LRRC4C: variants seen among roughly 807,000 people sequenced by gnomAD.
LRRC4C encodes the protein leucine rich repeat containing 4C.
Under a neutral mutation model 33.6 loss-of-function variants are expected in LRRC4C, and 5 were observed. The observed-to-expected ratio is 0.15, with a 90% confidence interval of 0.08 to 0.31. The LOEUF is 0.31. Ranked by LOEUF, LRRC4C falls within the 10% of genes least tolerant of loss-of-function variation. The probability of loss-of-function intolerance (pLI) is 1.00; values close to 1 mark genes in which losing one functional copy is unlikely to be tolerated. For synonymous variants in LRRC4C, 329 were observed against 302.0 expected (o/e 1.09, Z -0.93); for missense variants, 560 against 796.7 (o/e 0.70, Z 3.58).
chr11:40,426,204 G>A lies in LRRC4C; in HGVS notation c.-269-106483C>T, dbSNP rs1043764890. The stretch of plus-strand genomic sequence containing the variant: ...AATTTTTTATATTTTTAGTAGAGAC[G>A]GGGTTTCACCATGTTAGCCAGGATT... On this transcript the variant is annotated intron_variant, in intron 3 of 6. Transcript: ENST00000528697. 7.9e-5 allele frequency among the ~76,000 whole-genome samples: 12 copies of A among 151,672 alleles called. 1 individual carries two copies. Among genetic ancestry groups the A allele is most frequent in the Non-Finnish European group, 1.3e-4 (9 of 67,918 alleles).
rs1490178522 is a variant in LRRC4C at position 40,116,004 on chromosome 11, T to G, written c.289A>C (p.Lys97Gln). The G allele has an allele frequency of 6.2e-7, 1 of 1,614,110 alleles. No homozygotes were observed. The highest frequency in any genetic ancestry group is 1.3e-5 in the African/African-American group (1 of 75,016). ...QIQIIKVNSF[K>Q]HLRHLEILQL... ...AGGATTTCCAAGTGTCTCAAGTGCT[T>G]GAAGCTGTTCACTTTGATGATCTGG... The change falls in exon 7 of 7, where the codon AAG becomes CAG. Residue 97 changes from lysine to glutamine, a missense_variant. Transcript: ENST00000528697.
At chr11:40,505,838 C>A (rs974749359) in intron 3 of LRRC4C, among the ~76,000 whole-genome samples, 1 of 152,118 alleles carries the variant, frequency 6.6e-6, no homozygotes, top group Non-Finnish European at 1.5e-5. Flanking sequence ...CCCCCGCTTT[C>A]ACATTCTGAC....
intron 4 of LRRC4C, among the ~76,000 whole-genome samples, chr11:40,242,241 AT>A: frequency 6.6e-6 from 1 of 152,212 alleles, no homozygotes; most frequent in South Asian, 2.1e-4. Context: ...GTTGGTATGC[AT>A]AATTTTAAAA....
chr11:41,194,914 T>G (rs1207293712), intron 1 of LRRC4C, among the ~76,000 whole-genome samples: 1 of 152,038 alleles, frequency 6.6e-6, no homozygotes, highest in Non-Finnish European at 1.5e-5. Context: ...GTTTATCAAA[T>G]GTACTGATCC....
chr11:41,391,986 A>G (rs1198109324), intron 1 of LRRC4C, among the ~76,000 whole-genome samples: 2 of 151,926 alleles, frequency 1.3e-5, no homozygotes, highest in African/African-American at 4.8e-5. Flanking sequence ...CCTGGTTAGC[A>G]GGTAGAATAA....
At chr11:40,819,134 A>C (rs1254742285) in intron 2 of LRRC4C, among the ~76,000 whole-genome samples, 2 of 152,136 alleles carry the variant, frequency 1.3e-5, no homozygotes, top group Non-Finnish European at 2.9e-5. Context: ...AAAGTTATCT[A>C]ATGGTGAAAC....
At chr11:41,097,817 G>A (rs1940909425) in intron 1 of LRRC4C, among the ~76,000 whole-genome samples, 1 of 151,994 alleles carries the variant, frequency 6.6e-6, no homozygotes, top group African/African-American at 2.4e-5. Context: ...ATCACACCAA[G>A]ACCACTGTAC....
chr11:40,625,135 C>T (rs1962807376), intron 3 of LRRC4C, among the ~76,000 whole-genome samples: 1 of 152,078 alleles, frequency 6.6e-6, no homozygotes, highest in Non-Finnish European at 1.5e-5. Context: ...GGTCACATGG[C>T]TAATAATTGC....
intron 1 of LRRC4C, among the ~76,000 whole-genome samples, chr11:40,962,974 A>C (rs1851076157): frequency 6.6e-6 from 1 of 151,694 alleles, no homozygotes; most frequent in African/African-American, 2.4e-5. Flanking sequence ...TATTAATTCA[A>C]ACTCTGTGGA....
intron 4 of LRRC4C, among the ~76,000 whole-genome samples, chr11:40,299,405 C>T (rs1167809785): frequency 6.6e-6 from 1 of 152,128 alleles, no homozygotes; most frequent in Non-Finnish European, 1.5e-5. Flanking sequence ...TTTCTTGTTA[C>T]CCATTCTAGC....
chr11:41,023,931 G>A (rs181812004), intron 1 of LRRC4C, among the ~76,000 whole-genome samples: 3 of 151,826 alleles, frequency 2.0e-5, no homozygotes, highest in Admixed American at 6.6e-5. Flanking sequence ...ACAAACTAAT[G>A]GAATATTCAT....
intron 2 of LRRC4C, among the ~76,000 whole-genome samples, chr11:40,792,289 T>A (rs1247343898): frequency 1.3e-5 from 2 of 152,166 alleles, no homozygotes. Flanking sequence ...TTTTCTTTAT[T>A]ATTGAAGTTT....
At chr11:41,054,849 G>T (rs757014515) in intron 1 of LRRC4C, among the ~76,000 whole-genome samples, 43 of 152,268 alleles carry the variant, frequency 2.8e-4, no homozygotes, top group Admixed American at 7.2e-4. Flanking sequence ...AAAAAGAGAA[G>T]CCTGAACTAT....
intron 3 of LRRC4C, among the ~76,000 whole-genome samples, chr11:40,340,192 A>G (rs1191393281): frequency 6.6e-6 from 1 of 152,150 alleles, no homozygotes; most frequent in Non-Finnish European, 1.5e-5. Context: ...TCCAGCATAC[A>G]AAAACTAGGG....
At chr11:41,370,200 G>A (rs924124825) in intron 1 of LRRC4C, among the ~76,000 whole-genome samples, 14 of 151,534 alleles carry the variant, frequency 9.2e-5, no homozygotes, top group African/African-American at 3.4e-4. Flanking sequence ...TTATTTTTTG[G>A]GATAGGGTCT....
chr11:40,353,997 C>T (rs543691141), intron 3 of LRRC4C, among the ~76,000 whole-genome samples: 4 of 152,112 alleles, frequency 2.6e-5, no homozygotes, highest in East Asian at 1.9e-4. Context: ...GTCTTAGAAA[C>T]GGTTTCCAAG....
intron 1 of LRRC4C, among the ~76,000 whole-genome samples, chr11:41,174,208 G>A (rs960873654): frequency 6.6e-6 from 1 of 151,998 alleles, no homozygotes; most frequent in African/African-American, 2.4e-5. Flanking sequence ...AGCTTATCAA[G>A]TTATTTATGT....
chr11:40,350,778 G>T (rs772307794), intron 3 of LRRC4C, among the ~76,000 whole-genome samples: 3 of 151,884 alleles, frequency 2.0e-5, no homozygotes, highest in Non-Finnish European at 4.4e-5. Flanking sequence ...GTGCATTAAT[G>T]TTTTACAGTT....
intron 1 of LRRC4C, among the ~76,000 whole-genome samples, chr11:41,373,331 C>A (rs1342732108): frequency 6.6e-6 from 1 of 152,080 alleles, no homozygotes; most frequent in African/African-American, 2.4e-5. Context: ...CACAGACATG[C>A]ACATTTATGC....
Sources: gnomAD v4.1 joint callset for allele counts (sites outside exome capture counted in the v4.1 genomes callset) on GRCh38, gnomAD v4.1.1 for gene constraint, MANE v1.5 for transcripts, NCBI Gene and HGNC (gene_info 2026-07-23, HGNC 2026-07-21) for gene names.